RP1L1: variants seen among roughly 807,000 people sequenced by gnomAD.
RP1L1 encodes the protein RP1 like 1.
A neutral mutation model predicts 15.7 loss-of-function variants in RP1L1; 27 were observed. The ratio of observed to expected loss-of-function variants is 1.72; its 90% CI spans 1.27 to 2.38. The LOEUF (loss-of-function observed/expected upper bound fraction) is 2.38. Ranked by LOEUF, RP1L1 falls within the 30% of genes most tolerant of loss-of-function variation. RP1L1 has a pLI of 0.00. For missense variants in RP1L1, 4,798 were observed against 3,075.9 expected, an observed-to-expected ratio of 1.56 and a Z score of -13.24; for synonymous variants, 1,813 against 1,276.7, an observed-to-expected ratio of 1.42 and a Z score of -8.96.
Position 10,636,175 on chromosome 8 carries a change from C to T in RP1L1, c.-19-12955G>A, listed in dbSNP as rs1168623714. Among the ~76,000 whole-genome samples, 6 of 152,360 alleles carry T rather than the reference C, an allele frequency of 3.9e-5. No individual in the cohort carries two copies. In the East Asian group the frequency reaches 1.2e-3, roughly 29 times the overall value. On this transcript the variant is annotated intron_variant, in intron 1 of 3. Coordinates refer to ENST00000382483, the MANE Select transcript of RP1L1 (RefSeq NM_178857.6). Reference sequence around the variant, plus strand: ...GTTGGACTCCACAATGCTTATGGGCCTTGCCATCGCTCAGACTTTCTGGGT... The same window carrying T: ...GTTGGACTCCACAATGCTTATGGGCTTTGCCATCGCTCAGACTTTCTGGGT...
At chr8:10,633,690 C>A (rs1450350264) in intron 1 of RP1L1, among the ~76,000 whole-genome samples, 1 of 152,174 alleles carries the variant, frequency 6.6e-6, no homozygotes, top group South Asian at 2.1e-4. Context: ...GGACAGCAAA[C>A]CTCCAGGGCG....
At chr8:10,635,214 C>T (rs2117248244) in intron 1 of RP1L1, among the ~76,000 whole-genome samples, 1 of 152,332 alleles carries the variant, frequency 6.6e-6, no homozygotes, top group East Asian at 1.9e-4. Flanking sequence ...GCTTTCCCCT[C>T]TGGAAACTGG....
At chr8:10,639,768 T>C (rs965839190) in intron 1 of RP1L1, among the ~76,000 whole-genome samples, 1 of 152,160 alleles carries the variant, frequency 6.6e-6, no homozygotes, top group African/African-American at 2.4e-5. Context: ...GAACCGTACA[T>C]AGACTACCTT....
At chr8:10,615,752 G>C (rs1267887538) in intron 3 of RP1L1, among the ~76,000 whole-genome samples, 1 of 151,914 alleles carries the variant, frequency 6.6e-6, no homozygotes, top group Non-Finnish European at 1.5e-5. Context: ...CTGTTGTCTA[G>C]GCTTGTCTTG....
At position 10,607,132 on chromosome 8, in the gene RP1L1, G is replaced by C. The variant is rs767154682; in HGVS notation, c.6966C>G (p.Asp2322Glu). The C allele has an allele frequency of 1.1e-5, 18 of 1,614,132 alleles. No homozygotes were observed. In the African/African-American group the frequency reaches 2.0e-4, roughly 18 times the overall value. ...TGGACTTGGCATCAGGGCTCCTTGT[G>C]TCTCCAAGTACATGGTCATTTTCTG... ...KDSENDHVLG[D>E]TRSPDAKSTG... is the part of the protein sequence containing the mutation. Residue 2322 changes from aspartate to glutamate, a missense_variant, in exon 4 of 4, where the codon GAC (aspartate) becomes GAG (glutamate). Coordinates refer to ENST00000382483, the MANE Select transcript of RP1L1 (RefSeq NM_178857.6).
chr8:10,633,992 G>C (rs79436904), intron 1 of RP1L1, among the ~76,000 whole-genome samples: 1 of 152,146 alleles, frequency 6.6e-6, no homozygotes, highest in African/African-American at 2.4e-5. Context: ...GTGCCCGAGG[G>C]CCTGACCAGG....
In RP1L1 at chr8:10,635,969, G is replaced by C. The variant is rs752136071; in HGVS notation, c.-19-12749C>G. On this transcript the variant is annotated intron_variant, in intron 1 of 3. Coordinates refer to ENST00000382483, the MANE Select transcript of RP1L1 (RefSeq NM_178857.6). ...ATGGAAGAGACTGGCACAGGCCCGA[G>C]AGCACAGGGAGCTGGGGTGGGGACG... Among the ~76,000 whole-genome samples the C allele has an allele frequency of 3.9e-5, 6 of 152,206 alleles. No individual in the cohort carries two copies. The East Asian group carries it at 9.6e-4, about 24-fold the overall frequency.
chr8:10,626,598 A>G (rs968059870), intron 1 of RP1L1, among the ~76,000 whole-genome samples: 2 of 152,216 alleles, frequency 1.3e-5, no homozygotes, highest in African/African-American at 4.8e-5. Flanking sequence ...TCATAAGAGC[A>G]CTGGTATTTT....
intron 1 of RP1L1, among the ~76,000 whole-genome samples, chr8:10,641,352 G>A (rs1798404068): frequency 2.0e-5 from 3 of 152,216 alleles, no homozygotes; most frequent in African/African-American, 7.2e-5. Context: ...ACCCCTGGGG[G>A]TTCTCTGGAC....
At chr8:10,639,960 C>A (rs965535449) in intron 1 of RP1L1, among the ~76,000 whole-genome samples, 2 of 152,154 alleles carry the variant, frequency 1.3e-5, no homozygotes, top group South Asian at 4.2e-4. Flanking sequence ...CATTTTAATA[C>A]GATATATGCA....
intron 1 of RP1L1, among the ~76,000 whole-genome samples, chr8:10,648,762 G>T (rs796868104): frequency 6.6e-6 from 1 of 152,162 alleles, no homozygotes; most frequent in African/African-American, 2.4e-5. Context: ...TACAGTAATC[G>T]CTTTGGCTGG....
At chr8:10,633,677 G>A (rs1349161923) in intron 1 of RP1L1, among the ~76,000 whole-genome samples, 2 of 152,148 alleles carry the variant, frequency 1.3e-5, no homozygotes, top group African/African-American at 4.8e-5. Flanking sequence ...CAGAGCACCA[G>A]GAGGACAGCA....
Position 10,612,709 on chromosome 8 carries a change from C to A in RP1L1, c.1389G>T (p.Glu463Asp). Reference sequence around the variant, plus strand: ...AGCAGGAGGACTCTGGCTCCGAGCCCTCGGGGAGGCCGGTGCTGGAGGCTG... The same window carrying A: ...AGCAGGAGGACTCTGGCTCCGAGCCATCGGGGAGGCCGGTGCTGGAGGCTG... Reference protein sequence around the residue: ...ASPASSTGLPEGSEPESSCCP... With the variant: ...ASPASSTGLPDGSEPESSCCP... Residue 463 changes from glutamate to aspartate, a missense_variant, in exon 4 of 4, where the codon GAG (glutamate) becomes GAT (aspartate). Transcript: ENST00000382483. The A allele has an allele frequency of 6.2e-7, 1 of 1,604,922 alleles. No homozygotes were observed. The highest frequency in any genetic ancestry group is 8.5e-7 in the Non-Finnish European group (1 of 1,178,806).
At position 10,610,818 on chromosome 8, in the gene RP1L1, G is replaced by C. The variant is rs777912627; in HGVS notation, c.3280C>G (p.Gln1094Glu). Reference sequence around the variant, plus strand: ...TCGGGCACGCTGCTGGGCCGGCCCTGCTTGGAGCCCATCAGCGCCCTCATG... The same window carrying C: ...TCGGGCACGCTGCTGGGCCGGCCCTCCTTGGAGCCCATCAGCGCCCTCATG... ...QIMRALMGSK[Q>E]GRPSSVPEVS... The change falls in exon 4 of 4, where the codon CAG (glutamine) becomes GAG (glutamate). Residue 1094 changes from glutamine to glutamate, a missense_variant. Physicochemically the swap from Gln to Glu is conservative, Grantham distance 29. Coordinates refer to ENST00000382483, the MANE Select transcript of RP1L1 (RefSeq NM_178857.6). 6.2e-7 allele frequency: 1 copy of C among 1,608,250 alleles called. No homozygotes were observed. The highest frequency in any genetic ancestry group is 2.2e-5 in the East Asian group (1 of 44,734).
chr8:10,612,170 C>T lies in RP1L1; in HGVS notation c.1928G>A (p.Ser643Asn). ...GGGTGAGGACATTGCACTGGCCCGG[C>T]TTCTGTGCCTTCTCTGCCCCTGCTG... is the stretch of plus-strand genomic sequence containing the variant. ...SSQQGQRRHR[S>N]RASAMSSPSS... The change falls in exon 4 of 4, where the codon AGC becomes AAC. Residue 643 changes from serine to asparagine, a missense_variant. Ser to Asn is a conservative substitution (Grantham distance 46). Transcript: ENST00000382483. 1 of 1,613,438 alleles carries T rather than the reference C, an allele frequency of 6.2e-7. No individual in the cohort carries two copies.
At position 10,611,861 on chromosome 8, in the gene RP1L1, G is replaced by A. The variant is rs746913234; in HGVS notation, c.2237C>T (p.Ser746Leu). Reference sequence around the variant, plus strand: ...CGGGGAGACTCCAGAAACAAAATCCGAGTGGACTGCAGGGGTGACAGTGGC... The same window carrying A: ...CGGGGAGACTCCAGAAACAAAATCCAAGTGGACTGCAGGGGTGACAGTGGC... ...SSATVTPAVH[S>L]DFVSGVSPHN... is the part of the protein sequence containing the mutation. The change falls in exon 4 of 4, where the codon TCG (serine) becomes TTG (leucine). Residue 746 changes from serine (S) to leucine (L), a missense_variant. Physicochemically the swap from Ser to Leu is moderately radical, Grantham distance 145 (BLOSUM62 -2). Coordinates refer to ENST00000382483, the MANE Select transcript of RP1L1 (RefSeq NM_178857.6). 47 of 1,613,698 alleles carry A rather than the reference G, an allele frequency of 2.9e-5. No homozygotes were observed. The highest frequency in any genetic ancestry group is 2.0e-4 in the South Asian group (18 of 91,086).
At position 10,613,077 on chromosome 8, in the gene RP1L1, G is replaced by A. The variant is rs370720560; in HGVS notation, c.1021C>T (p.Arg341Trp). Reference sequence around the variant, plus strand: ...AGGGCGCTGGCCCTGCCCATCCTCCGGGACCATAGGAGCGTGTCCTCGCCG... The same window carrying A: ...AGGGCGCTGGCCCTGCCCATCCTCCAGGACCATAGGAGCGTGTCCTCGCCG... The part of the protein sequence containing the change: ...LVGEDTLLWS[R>W]RMGRASALTA... The change falls in exon 4 of 4, where the codon CGG becomes TGG. Residue 341 changes from arginine (R) to tryptophan (W), a missense_variant. Physicochemically the swap from Arg to Trp is moderately radical, Grantham distance 101. Transcript: ENST00000382483. 25 of 1,613,652 alleles carry A rather than the reference G, an allele frequency of 1.5e-5. No homozygotes were observed. The highest frequency in any genetic ancestry group is 1.0e-4 in the Admixed American group (6 of 60,010).
In RP1L1 at chr8:10,610,216, T is replaced by A; in HGVS notation, c.3882A>T (p.Glu1294Asp). 6.2e-7 allele frequency: 1 copy of A among 1,614,210 alleles called. No homozygotes were observed. Among genetic ancestry groups the A allele is most frequent in the Non-Finnish European group, 8.5e-7 (1 of 1,180,044 alleles). The change falls in exon 4 of 4, where the codon GAA (glutamate) becomes GAT (aspartate). Residue 1294 changes from glutamate (E) to aspartate (D), a missense_variant. Physicochemically the swap from Glu to Asp is conservative, Grantham distance 45. Transcript: ENST00000382483. ...ATTGCACCTCTTCTTGCACTGTGTT[T>A]TCAGCTAACTGCTCCAGGTTCGAGC... ...RASSNLEQLA[E>D]NTVQEEVQLE... is the part of the protein sequence containing the mutation.
At chr8:10,613,386 T>G in intron 3 of RP1L1, 40 bp from the exon 4 acceptor site, 1 of 1,598,432 alleles carries the variant, frequency 6.3e-7, no homozygotes, top group Non-Finnish European at 8.5e-7. Flanking sequence ...AAGAAAAGAC[T>G]GTGAGCCATG....
Sources: allele counts gnomAD v4.1 joint callset (sites outside exome capture counted in the v4.1 genomes callset), GRCh38; gene constraint gnomAD v4.1.1; transcripts MANE v1.5; gene names NCBI Gene and HGNC (gene_info 2026-07-23, HGNC 2026-07-21).